Variants in BEAN1 observed in about 807,000 individuals in gnomAD.
BEAN1 encodes brain expressed associated with NEDD4 1.
Under a neutral mutation model 17.7 loss-of-function variants are expected in BEAN1, and 17 were observed. The observed-to-expected ratio is 0.96, with a 90% confidence interval of 0.66 to 1.44. The LOEUF (loss-of-function observed/expected upper bound fraction) is 1.44, where lower values mean the gene tolerates loss of function less well. Ranked by LOEUF, BEAN1 falls within the 40% of genes most tolerant of loss-of-function variation. The pLI, the probability that BEAN1 is intolerant of heterozygous loss-of-function variation, is 0.00. For synonymous variants in BEAN1, 142 were observed against 151.8 expected, an observed-to-expected ratio of 0.94 and a Z score of 0.47; for missense variants, 359 against 374.1, an observed-to-expected ratio of 0.96 and a Z score of 0.33.
chr16:66,448,209 T>C (rs1304680297), intron 2 of BEAN1, among the ~76,000 whole-genome samples: 1 of 109,276 alleles, frequency 9.2e-6, no homozygotes, highest in African/African-American at 4.0e-5. Flanking sequence ...CTCTAGGGTT[T>C]GCTGTTGTTG....
intron 1 of BEAN1, 61 bp from the exon 2 acceptor site, chr16:66,437,533 GC>G (rs1470770237): frequency 2.0e-6 from 2 of 980,988 alleles, no homozygotes; most frequent in African/African-American, 3.3e-5. Flanking sequence ...TGAGCGCCCA[GC>G]CTGCAGGGGC....
At position 66,481,485 on chromosome 16, in the gene BEAN1, G is replaced by A. The variant is rs1963985315; in HGVS notation, c.*560G>A. On this transcript the variant is annotated 3_prime_UTR_variant, in exon 5 of 5. Coordinates refer to ENST00000536005, the MANE Select transcript of BEAN1 (RefSeq NM_001178020.3). The surrounding 1 kb of genome is among the most constrained non-coding windows in gnomAD (Gnocchi z 4.1). ...CGCTGTGCCTATCTCTCGATTCCAG[G>A]GCAGATGAGCCACAACATCACCACC... is the stretch of plus-strand genomic sequence containing the variant. 5.3e-6 allele frequency: 2 copies of A among 374,286 alleles called. No individual in the cohort carries two copies. The highest frequency in any genetic ancestry group is 4.6e-5 in the Admixed American group (1 of 21,824). The allele number at this position is 374,286 out of a possible 1,614,324, so 23.2% of individuals were successfully genotyped here.
chr16:66,477,687 G>T lies in BEAN1; in HGVS notation c.417G>T (p.Glu139Asp), dbSNP rs752066809. ...ACGTGGATGCCACGGTGCTCAGGGA[G>T]CTGTACCCAGATTCTCCACCAGGGT... ...DGDVDATVLR[E>D]LYPDSPPGYE... The change falls in exon 4 of 5, where the codon GAG (glutamate) becomes GAT (aspartate). Residue 139 changes from glutamate to aspartate, a missense_variant. Transcript: ENST00000536005. 7 of 1,549,418 alleles carry T rather than the reference G, an allele frequency of 4.5e-6. No homozygotes were observed. The South Asian group carries it at 8.4e-5, about 19-fold the overall frequency.
chr16:66,451,812 G>C, intron 2 of BEAN1, among the ~76,000 whole-genome samples: 1 of 152,216 alleles, frequency 6.6e-6, no homozygotes, highest in East Asian at 1.9e-4. Flanking sequence ...TATTTAACCA[G>C]AGTTCTGTCC....
Position 66,480,813 on chromosome 16 carries a change from G to A in BEAN1, c.668G>A (p.Gly223Asp). 6.5e-7 allele frequency: 1 copy of A among 1,541,898 alleles called. No individual in the cohort carries two copies. The highest frequency in any genetic ancestry group is 8.8e-7 in the Non-Finnish European group (1 of 1,141,510). Residue 223 changes from glycine (G) to aspartate (D), a missense_variant, in exon 5 of 5, where the codon GGC becomes GAC. Physicochemically the swap from Gly to Asp is moderately conservative, Grantham distance 94 (BLOSUM62 -1). Coordinates refer to ENST00000536005, the MANE Select transcript of BEAN1 (RefSeq NM_001178020.3). ...LPPYEAVCGA[G>D]PPSGLLPLPG... is the part of the protein sequence containing the mutation. ...CCCTACGAGGCTGTGTGCGGGGCTG[G>A]CCCCCCATCAGGCCTGCTGCCACTG...
At position 66,463,114 on chromosome 16, in the gene BEAN1, C is replaced by G. The variant is rs1010414582; in HGVS notation, c.26-6488C>G. Among the ~76,000 whole-genome samples the G allele has an allele frequency of 4.6e-5, 7 of 152,270 alleles. No individual in the cohort carries two copies. The East Asian group carries it at 1.4e-3, about 29-fold the overall frequency. On this transcript the variant is annotated intron_variant, in intron 2 of 4. Coordinates refer to ENST00000536005, the MANE Select transcript of BEAN1 (RefSeq NM_001178020.3). Reference sequence around the variant, plus strand: ...AGTAATACTCATGAATATTCATGTACACATTTTTGTGTGGACTTATGTTTC... The same window carrying G: ...AGTAATACTCATGAATATTCATGTAGACATTTTTGTGTGGACTTATGTTTC...
At chr16:66,463,812 T>C (rs1479798346) in intron 2 of BEAN1, among the ~76,000 whole-genome samples, 1 of 152,248 alleles carries the variant, frequency 6.6e-6, no homozygotes, top group Non-Finnish European at 1.5e-5. Context: ...TTGTATATTA[T>C]GTAGGGAATC....
At chr16:66,437,885 C>T (rs1255456471) in intron 2 of BEAN1, 184 bp downstream of exon 2, 1 of 772,814 alleles carries the variant, frequency 1.3e-6, no homozygotes, top group Non-Finnish European at 2.2e-6. Flanking sequence ...GCAAGATGCT[C>T]CCTGAGAACT....
Position 66,480,744 on chromosome 16 carries a change from CG to C in BEAN1, c.601del (p.Ala201ProfsTer78), listed in dbSNP as rs1405017046. On this transcript the variant is annotated frameshift_variant, in exon 5 of 5. Transcript: ENST00000536005. LOFTEE classifies it low-confidence loss of function (END_TRUNC). ...CGACACCAGCAGGAGCAGAGGACCC[CG>C]GCCCAAGGTGGCCTTCACACGGTCT... ...PGRHQQEQRT[P>X]AQGGLHTVSM... is the part of the protein sequence containing the mutation. 3.9e-6 allele frequency: 6 copies of C among 1,551,578 alleles called. No homozygotes were observed. The highest frequency in any genetic ancestry group is 5.2e-6 in the Non-Finnish European group (6 of 1,146,948).
chr16:66,430,303 G>A (rs886080713), intron 1 of BEAN1, among the ~76,000 whole-genome samples: 5 of 152,174 alleles, frequency 3.3e-5, no homozygotes, highest in African/African-American at 9.7e-5. Context: ...TTTCCTAAAC[G>A]TATGCATTTT....
intron 3 of BEAN1, 133 bp downstream of exon 3, chr16:66,469,998 G>A: frequency 1.6e-6 from 2 of 1,283,748 alleles, no homozygotes; most frequent in African/African-American, 1.5e-5. Flanking sequence ...AGTCTTGGGT[G>A]GTCAGGAAGA....
chr16:66,466,095 T>G (rs545803021), intron 2 of BEAN1, among the ~76,000 whole-genome samples: 1 of 152,284 alleles, frequency 6.6e-6, no homozygotes, highest in African/African-American at 2.4e-5. Context: ...ATTATAGGTG[T>G]GAGCCACCGC....
At chr16:66,479,028 G>A (rs1399918870) in intron 4 of BEAN1, 1 of 152,356 alleles carries the variant, frequency 6.6e-6, no homozygotes, top group Non-Finnish European at 1.5e-5. Context: ...GCCCATCCTG[G>A]ACGCCGCCCA....
chr16:66,430,493 C>T (rs1409334727), intron 1 of BEAN1, among the ~76,000 whole-genome samples: 3 of 152,140 alleles, frequency 2.0e-5, no homozygotes, highest in African/African-American at 7.2e-5. Flanking sequence ...ATAATTACCA[C>T]ATTGTAATTT....
At chr16:66,476,109 CAAAAAAA>C (rs543784605) in intron 3 of BEAN1, among the ~76,000 whole-genome samples, 1 of 83,280 alleles carries the variant, frequency 1.2e-5, no homozygotes, top group Non-Finnish European at 2.9e-5. Context: ...GACTCCGTCT[CAAAAAAA>C]AAAAAAAAGA....
rs1364431982 is a variant in BEAN1, at chr16:66,457,014, C to T, written c.26-12588C>T. Among the ~76,000 whole-genome samples the T allele has an allele frequency of 2.6e-5, 4 of 152,326 alleles. No homozygotes were observed. In the East Asian group the frequency reaches 7.7e-4, roughly 29 times the overall value. On this transcript the variant is annotated intron_variant, in intron 2 of 4. Transcript: ENST00000536005. ...TTCTATTTGGCAGTAAAGTGCTCTC[C>T]TGTTCACTCTGACACATTAAACAGA... is the stretch of plus-strand genomic sequence containing the variant.
intron 2 of BEAN1, among the ~76,000 whole-genome samples, chr16:66,456,207 C>T (rs1389572769): frequency 1.3e-5 from 2 of 152,222 alleles, no homozygotes; most frequent in Non-Finnish European, 2.9e-5. Context: ...AATATTCTCT[C>T]TCCCCTGGGT....
intron 2 of BEAN1, among the ~76,000 whole-genome samples, chr16:66,461,563 G>A (rs74356135): frequency 0.11 from 13,850 of 127,826 alleles, 831 homozygotes; most frequent in Middle Eastern, 0.2. Flanking sequence ...AGGGCAGGCA[G>A]GCGCAGACAC....
exon 5 of BEAN1, chr16:66,493,456 T>C (rs1342628049): frequency 6.6e-6 from 4 of 608,966 alleles, no homozygotes; most frequent in Admixed American, 2.9e-5. Flanking sequence ...CCCAGTGCCA[T>C]GGCAGCACAT....
Sources: gnomAD v4.1 joint callset for allele counts (sites outside exome capture counted in the v4.1 genomes callset) on GRCh38, gnomAD v4.1.1 for gene constraint, Gnocchi (gnomAD v3.1) non-coding constraint, MANE v1.5 for transcripts, NCBI Gene and HGNC (gene_info 2026-07-23, HGNC 2026-07-21) for gene names.